Variants in CASTOR2 observed in about 807,000 individuals in gnomAD.
The protein encoded by CASTOR2 is GATS protein like 2.
Under a neutral mutation model 31.2 loss-of-function variants are expected in CASTOR2, and 8 were observed. That is an observed-to-expected ratio of 0.26 (90% CI 0.15 to 0.46). The LOEUF (loss-of-function observed/expected upper bound fraction) is 0.46. CASTOR2 is among the 20% of genes least tolerant of loss of function. CASTOR2 has a pLI of 0.99. For synonymous variants in CASTOR2, 162 were observed against 158.7 expected, an observed-to-expected ratio of 1.02 and a Z score of -0.16; for missense variants, 216 against 382.1, an observed-to-expected ratio of 0.57 and a Z score of 3.62.
chr7:75,022,730 C>T (rs1219593465), intron 7 of CASTOR2, among the ~76,000 whole-genome samples: 1 of 152,096 alleles, frequency 6.6e-6, no homozygotes, highest in East Asian at 1.9e-4. Context: ...ACCCAGGAAG[C>T]AGAGGTTGCG....
intron 1 of CASTOR2, among the ~76,000 whole-genome samples, chr7:75,006,705 G>A (rs1240553672): frequency 2.0e-5 from 3 of 152,106 alleles, no homozygotes; most frequent in East Asian, 1.9e-4. Flanking sequence ...CCCTCATACT[G>A]TTCTCCTGGC....
intron 1 of CASTOR2, among the ~76,000 whole-genome samples, chr7:74,999,080 C>T (rs1237545596): frequency 6.6e-6 from 1 of 152,050 alleles, no homozygotes; most frequent in Non-Finnish European, 1.5e-5. Context: ...ACTGCAAGCT[C>T]CACCTCCTGT....
intron 7 of CASTOR2, 65 bp downstream of exon 7, chr7:75,022,021 G>A (rs931606799): frequency 9.1e-6 from 14 of 1,533,930 alleles, no homozygotes; most frequent in Middle Eastern, 1.7e-4. Context: ...ATTCACATAC[G>A]TTGTCCGCAG....
intron 2 of CASTOR2, among the ~76,000 whole-genome samples, chr7:75,012,989 T>C (rs1329462676): frequency 1.3e-5 from 2 of 152,314 alleles, no homozygotes; most frequent in Admixed American, 1.3e-4. Flanking sequence ...ATTCTCACTA[T>C]GTTGCCTATG....
At chr7:74,991,167 G>A (rs2131930876) in intron 1 of CASTOR2, among the ~76,000 whole-genome samples, 1 of 152,244 alleles carries the variant, frequency 6.6e-6, no homozygotes, top group East Asian at 1.9e-4. Flanking sequence ...GTGAGCATCT[G>A]TAGGTCCTCA....
intron 5 of CASTOR2, among the ~76,000 whole-genome samples, 154 bp downstream of exon 5, chr7:75,019,249 A>G (rs1475695788): frequency 3.9e-5 from 6 of 152,216 alleles, no homozygotes; most frequent in Admixed American, 3.3e-4. Context: ...GCAGAGAGAC[A>G]TGGACCCACC....
At chr7:75,014,544 A>G (rs1295067409) in intron 2 of CASTOR2, among the ~76,000 whole-genome samples, 1 of 151,964 alleles carries the variant, frequency 6.6e-6, no homozygotes, top group South Asian at 2.1e-4. Flanking sequence ...GTGAGCCGAG[A>G]TCGCGCCGCT....
rs1275889374 is a variant in CASTOR2 at position 74,988,557 on chromosome 7, A to G, written c.114-19437A>G. On this transcript the variant is annotated intron_variant, in intron 1 of 8. Transcript: ENST00000616305. The stretch of plus-strand genomic sequence containing the variant: ...CTTGTTCTGCCCACTTCGGCCTCCC[A>G]GACTACTGGGATTACAGGCGTGAGC... 1.2e-4 allele frequency among the ~76,000 whole-genome samples: 18 copies of G among 152,224 alleles called. No individual in the cohort carries two copies. The East Asian group carries it at 1.9e-3, about 16-fold the overall frequency.
At chr7:74,982,077 A>G (rs1382777353) in intron 1 of CASTOR2, among the ~76,000 whole-genome samples, 1 of 137,616 alleles carries the variant, frequency 7.3e-6, no homozygotes, top group Non-Finnish European at 1.5e-5. Context: ...CAAGAAAAAA[A>G]AAAAAAAGTG....
chr7:74,998,118 C>A (rs1554438092), intron 1 of CASTOR2, among the ~76,000 whole-genome samples: 4 of 152,136 alleles, frequency 2.6e-5, no homozygotes, highest in African/African-American at 9.7e-5. Flanking sequence ...AGAGGCAGTT[C>A]AGCCCCGGCT....
chr7:74,997,334 G>A (rs1804376266), intron 1 of CASTOR2, among the ~76,000 whole-genome samples: 1 of 152,028 alleles, frequency 6.6e-6, no homozygotes, highest in Admixed American at 6.6e-5. Flanking sequence ...GGTTCCTGAA[G>A]GCAGACAGTA....
rs1805164108 is a variant in CASTOR2, at chr7:75,027,332, T to G, written c.*2633T>G. The G allele has an allele frequency of 6.5e-6, 1 of 152,730 alleles. No homozygotes were observed. The highest frequency in any genetic ancestry group is 1.5e-5 in the Non-Finnish European group (1 of 68,172). The allele number at this position is 152,730 out of a possible 1,614,324, so 9.5% of individuals were successfully genotyped here. A position where few individuals can be genotyped will look rare whatever the true frequency, so the allele number is the denominator to read the frequency against. On this transcript the variant is annotated 3_prime_UTR_variant, in exon 9 of 9. Coordinates refer to ENST00000616305, the MANE Select transcript of CASTOR2 (RefSeq NM_001145064.3). The stretch of plus-strand genomic sequence containing the variant: ...AGGCAAGATCCCTGGGCGCCCTTAT[T>G]TGGGGGGATGTTGATCCCGAGGGAG...
At chr7:75,015,721 TGAGCC>T (rs1209285644) in intron 2 of CASTOR2, among the ~76,000 whole-genome samples, 1 of 152,124 alleles carries the variant, frequency 6.6e-6, no homozygotes, top group Non-Finnish European at 1.5e-5. Flanking sequence ...GGCAAATCAC[TGAGCC>T]TTCCAGGTCC....
chr7:75,021,408 T>C (rs1804998034), intron 6 of CASTOR2, among the ~76,000 whole-genome samples: 1 of 152,160 alleles, frequency 6.6e-6, no homozygotes, highest in East Asian at 1.9e-4. Context: ...ATTACGGGTG[T>C]GAGCCACCAC....
intron 4 of CASTOR2, among the ~76,000 whole-genome samples, chr7:75,018,499 A>C (rs1324248211): frequency 6.6e-6 from 1 of 152,084 alleles, no homozygotes; most frequent in African/African-American, 2.4e-5. Flanking sequence ...AGATTGTGCC[A>C]TTGCACTCCA....
chr7:75,004,395 T>C (rs1804563352), intron 1 of CASTOR2, among the ~76,000 whole-genome samples: 1 of 151,502 alleles, frequency 6.6e-6, no homozygotes, highest in Non-Finnish European at 1.5e-5. Flanking sequence ...TCCAGCAGAA[T>C]GCCTTACGCC....
Position 75,025,392 on chromosome 7 carries a change from T to C in CASTOR2, c.*693T>C, listed in dbSNP as rs1805100407. On this transcript the variant is annotated 3_prime_UTR_variant, in exon 9 of 9. Transcript: ENST00000616305. ...TGTCCAGACCCTCCCCCACAAGCAC[T>C]CAGTCCTTGGGGGAGGAGGGAGGGT... Among the ~76,000 whole-genome samples, 1 of 152,094 alleles carries C rather than the reference T, an allele frequency of 6.6e-6. No homozygotes were observed. The highest frequency in any genetic ancestry group is 1.5e-5 in the Non-Finnish European group (1 of 67,984).
intron 1 of CASTOR2, among the ~76,000 whole-genome samples, chr7:74,965,903 C>G (rs868979678): frequency 1.0e-4 from 4 of 38,672 alleles, no homozygotes; most frequent in African/African-American, 4.7e-4. Flanking sequence ...CTCTCTCTCT[C>G]TCTCTCTCTC....
intron 1 of CASTOR2, among the ~76,000 whole-genome samples, chr7:74,986,072 C>T (rs1300111835): frequency 1.3e-5 from 2 of 152,034 alleles, no homozygotes; most frequent in Admixed American, 6.6e-5. Context: ...CAACTACAGG[C>T]GCGCACCACC....
Sources: allele counts gnomAD v4.1 joint callset (sites outside exome capture counted in the v4.1 genomes callset), GRCh38; gene constraint gnomAD v4.1.1; transcripts MANE v1.5; gene names NCBI Gene and HGNC (gene_info 2026-07-23, HGNC 2026-07-21).